STARD13: variants seen among roughly 807,000 people sequenced by gnomAD.
The protein encoded by STARD13 is stAR-related lipid transfer protein 13.
In STARD13, 62 loss-of-function variants were observed where a neutral mutation model predicts 106.4. The observed-to-expected ratio is 0.58, with a 90% CI of 0.48 to 0.72. The LOEUF (loss-of-function observed/expected upper bound fraction) is 0.72. Among genes scored for constraint, STARD13 ranks in the 30% least tolerant of loss-of-function variants. The pLI is 0.00. For missense variants in STARD13, 1,387 were observed against 1,424.0 expected (o/e 0.97, Z 0.42); for synonymous variants, 565 against 553.0 (o/e 1.02, Z -0.31).
the STARD13 span, among the ~76,000 whole-genome samples, chr13:33,440,208 G>C: frequency 7.9e-5 from 12 of 151,896 alleles, no homozygotes; most frequent in Admixed American, 4.6e-4. Flanking sequence ...GAGCCTGGGA[G>C]GCAGAGGTTG....
At chr13:33,234,075 C>G (rs1403509029) in intron 1 of STARD13, among the ~76,000 whole-genome samples, 1 of 152,176 alleles carries the variant, frequency 6.6e-6, no homozygotes, top group Non-Finnish European at 1.5e-5. Context: ...TATCTGTGTA[C>G]ATATGTGGCT....
At chr13:33,655,612 T>C in the STARD13 span, among the ~76,000 whole-genome samples, 1 of 152,210 alleles carries the variant, frequency 6.6e-6, no homozygotes, top group African/African-American at 2.4e-5. Flanking sequence ...CACCTATTTA[T>C]GATAATTTTT....
the STARD13 span, among the ~76,000 whole-genome samples, chr13:33,569,090 T>C: frequency 6.7e-6 from 1 of 148,164 alleles, no homozygotes; most frequent in Admixed American, 6.9e-5. Context: ...CTTAAGCTTA[T>C]GTCTATAAAA....
chr13:33,575,237 A>G, the STARD13 span, among the ~76,000 whole-genome samples: 1 of 152,118 alleles, frequency 6.6e-6, no homozygotes, highest in Non-Finnish European at 1.5e-5. Flanking sequence ...TTTTAAATAT[A>G]TTCGTATATG....
chr13:33,637,734 T>C, the STARD13 span, among the ~76,000 whole-genome samples: 163 of 152,334 alleles, frequency 1.1e-3, no homozygotes, highest in African/African-American at 3.8e-3. Flanking sequence ...GACTGAAAAA[T>C]AGTTTCTAAT....
the STARD13 span, among the ~76,000 whole-genome samples, chr13:33,401,897 G>A: frequency 2.9e-3 from 440 of 152,226 alleles, 3 homozygotes; most frequent in African/African-American, 9.7e-3. Flanking sequence ...ACACATCAAA[G>A]TATTTTTGAA....
At chr13:33,495,882 A>G in the STARD13 span, among the ~76,000 whole-genome samples, 1 of 144,974 alleles carries the variant, frequency 6.9e-6, no homozygotes, top group African/African-American at 2.5e-5. Context: ...TAATGATTAC[A>G]TATAATTATA....
chr13:33,472,272 G>A, the STARD13 span, among the ~76,000 whole-genome samples: 5 of 151,918 alleles, frequency 3.3e-5, no homozygotes, highest in Non-Finnish European at 5.9e-5. Context: ...CAGTGCATTT[G>A]TTTCTTCTTT....
chr13:33,308,690 A>T (rs1220132418), intron 1 of STARD13, among the ~76,000 whole-genome samples: 1 of 151,560 alleles, frequency 6.6e-6, no homozygotes, highest in Non-Finnish European at 1.5e-5. Context: ...CGTCCAGCTA[A>T]TTTTTGTGTT....
chr13:33,605,801 GC>G, the STARD13 span, among the ~76,000 whole-genome samples: 1 of 152,168 alleles, frequency 6.6e-6, no homozygotes, highest in Middle Eastern at 3.4e-3. Context: ...GATATATCAG[GC>G]CATAGTTCTA....
the STARD13 span, among the ~76,000 whole-genome samples, chr13:33,578,211 G>T: frequency 6.6e-6 from 1 of 151,980 alleles, no homozygotes; most frequent in African/African-American, 2.4e-5. Context: ...CTAAGCAAAA[G>T]AACAAATCTG....
At chr13:33,385,048 T>C in the STARD13 span, among the ~76,000 whole-genome samples, 206 of 150,450 alleles carry the variant, frequency 1.4e-3, 2 homozygotes, top group Non-Finnish European at 2.6e-3. Context: ...TATATATATA[T>C]ACACATGCAT....
At chr13:33,651,086 A>G in the STARD13 span, among the ~76,000 whole-genome samples, 2 of 152,258 alleles carry the variant, frequency 1.3e-5, no homozygotes, top group Non-Finnish European at 2.9e-5. Context: ...GAGCTTGTTC[A>G]TGTCCACAAA....
the STARD13 span, among the ~76,000 whole-genome samples, chr13:33,396,514 T>A: frequency 0.25 from 37,396 of 152,190 alleles, 5,659 homozygotes; most frequent in Non-Finnish European, 0.35. Context: ...AACTTCAGTC[T>A]GTTACACAAA....
At chr13:33,624,852 T>C in the STARD13 span, among the ~76,000 whole-genome samples, 4 of 152,220 alleles carry the variant, frequency 2.6e-5, no homozygotes, top group African/African-American at 9.6e-5. Context: ...TGACTAGTTG[T>C]TCTTCCCACC....
intron 1 of STARD13, among the ~76,000 whole-genome samples, chr13:33,340,660 C>G (rs1029927974): frequency 1.3e-5 from 2 of 152,004 alleles, no homozygotes; most frequent in African/African-American, 4.8e-5. Context: ...CTCTATTGTA[C>G]AAAAAACCAG....
rs1204313544 is a variant in STARD13, at chr13:33,130,186, G to T, written c.491C>A (p.Pro164His). The T allele has an allele frequency of 6.2e-7, 1 of 1,613,726 alleles. No individual in the cohort carries two copies. ...SRVDDLYTLL[P>H]RGDRNGSPGG... The stretch of plus-strand genomic sequence containing the variant: ...CGGTGACCCATTTCTGTCTCCTCGA[G>T]GGAGCAGCGTGTAGAGGTCGTCCAC... The change falls in exon 5 of 14, where the codon CCT (proline) becomes CAT (histidine). Residue 164 changes from proline (P) to histidine (H), a missense_variant. Pro to His is a moderately conservative substitution (Grantham distance 77). Transcript: ENST00000336934. This position sits in a 1 kb window ranked among gnomAD's most constrained non-coding sequence, Gnocchi z 4.1.
rs979052533 is a variant in STARD13 at position 33,176,971 on chromosome 13, A to G, written c.170-9349T>C. 5.9e-5 allele frequency among the ~76,000 whole-genome samples: 9 copies of G among 152,360 alleles called. No homozygotes were observed. The East Asian group carries it at 1.7e-3, about 29-fold the overall frequency. On this transcript the variant is annotated intron_variant, in intron 1 of 13. Coordinates refer to ENST00000336934, the MANE Select transcript of STARD13 (RefSeq NM_178006.4). ...TTAAAGAACTCTTTGGGCCTTTATA[A>G]TTATCGTCACAAAATCTTAATTGAG...
rs377605482 is a variant in STARD13, at chr13:33,292,635, G to A, written c.124+57655C>T. Among the ~76,000 whole-genome samples the A allele has an allele frequency of 1.3e-3, 199 of 151,656 alleles. 2 individuals are homozygous for A. Among genetic ancestry groups the A allele is most frequent in the African/African-American group, 4.6e-3 (191 of 41,374 alleles). On this transcript the variant is annotated intron_variant, in intron 1 of 5. Transcript: ENST00000567873. The stretch of plus-strand genomic sequence containing the variant: ...AAAATCACCACCCTCAAAAATATTG[G>A]ATATGGTAGCAAAATTTAGTTCACA...
Sources: gnomAD v4.1 joint callset for allele counts (sites outside exome capture counted in the v4.1 genomes callset) on GRCh38, gnomAD v4.1.1 for gene constraint, Gnocchi (gnomAD v3.1) non-coding constraint, MANE v1.5 for transcripts, NCBI Gene and HGNC (gene_info 2026-07-23, HGNC 2026-07-21) for gene names.